CDC42EP4: variants seen among roughly 807,000 people sequenced by gnomAD.
CDC42EP4 encodes CDC42 effector protein (Rho GTPase binding) 4.
CDC42EP4 carries 6 observed loss-of-function variants against 5.6 expected under a neutral mutation model. That is an observed-to-expected ratio of 1.07 (90% CI 0.59 to 2.12). The LOEUF (loss-of-function observed/expected upper bound fraction) is 2.12, where lower values mean the gene tolerates loss of function less well. Ranked by LOEUF, CDC42EP4 falls within the 30% of genes most tolerant of loss-of-function variation. The pLI, the probability that CDC42EP4 is intolerant of heterozygous loss-of-function variation, is 0.00. For missense variants in CDC42EP4, 490 were observed against 508.6 expected (o/e 0.96, Z 0.35); for synonymous variants, 230 against 224.2 (o/e 1.03, Z -0.23).
chr17:73,290,599 C>T (rs1476688134), intron 1 of CDC42EP4, among the ~76,000 whole-genome samples: 3 of 152,198 alleles, frequency 2.0e-5, no homozygotes, highest in African/African-American at 7.2e-5. Context: ...CCCAATGTCC[C>T]CCAGGAGGCA....
In CDC42EP4 at chr17:73,297,001, A is replaced by AAAAAAAAAAAAAAAAAC. The variant is rs547362762; in HGVS notation, c.-112-10390_-112-10389insGTTTTTTTTTTTTTTTT. ...GTCTCAAAAAAAAAAAAAAAAAAAA[A>AAAAAAAAAAAAAAAAAC]AAATACACAAGGCCAAGCGCCGTGG... On this transcript the variant is annotated intron_variant, in intron 1 of 1. Coordinates refer to ENST00000335793, the MANE Select transcript of CDC42EP4 (RefSeq NM_012121.5). Among the ~76,000 whole-genome samples the AAAAAAAAAAAAAAAAAC allele has an allele frequency of 2.9e-3, 180 of 61,740 alleles. 40 individuals are homozygous for AAAAAAAAAAAAAAAAAC. The highest frequency in any genetic ancestry group is 3.1e-3 in the Non-Finnish European group (93 of 30,024). 40.5% of individuals were successfully genotyped at this position (61,740 alleles called of 152,430 possible).
chr17:73,293,036 T>C (rs9914655), intron 1 of CDC42EP4, among the ~76,000 whole-genome samples: 77,150 of 151,784 alleles, frequency 0.51, 20,055 homozygotes, highest in East Asian at 0.59. Context: ...TTTTTAGAGA[T>C]GGGGTTTCAC....
chr17:73,285,498 C>G lies in CDC42EP4; in HGVS notation c.1003G>C (p.Val335Leu), dbSNP rs1186039493. Reference sequence around the variant, plus strand: ...AACTCCTTGTCTGGCTGTCTTGAGACAGCAGCCCGGGCCCTGTCCGGCCCC... The same window carrying G: ...AACTCCTTGTCTGGCTGTCTTGAGAGAGCAGCCCGGGCCCTGTCCGGCCCC... ...FRGPDRARAAVSRQPDKEFSF... is the reference protein window; with the variant it reads ...FRGPDRARAALSRQPDKEFSF... Residue 335 changes from valine to leucine, a missense_variant, in exon 2 of 2, where the codon GTC (valine) becomes CTC (leucine). Transcript: ENST00000335793. This position sits in a 1 kb window ranked among gnomAD's most constrained non-coding sequence, Gnocchi z 6.8. 6.2e-7 allele frequency: 1 copy of G among 1,601,554 alleles called. No homozygotes were observed. Among genetic ancestry groups the G allele is most frequent in the Admixed American group, 1.7e-5 (1 of 58,886 alleles).
chr17:73,309,656 C>T (rs2062263317), intron 1 of CDC42EP4: 1 of 152,338 alleles, frequency 6.6e-6, no homozygotes, highest in Non-Finnish European at 1.5e-5. Context: ...ATTCACAGCA[C>T]AGGCCTAGGC....
At chr17:73,294,266 C>G (rs535052081) in intron 1 of CDC42EP4, among the ~76,000 whole-genome samples, 1 of 152,220 alleles carries the variant, frequency 6.6e-6, no homozygotes, top group Admixed American at 6.5e-5. Context: ...CAGGGAGAAT[C>G]GCTTGAACCC....
chr17:73,285,273 G>A lies in CDC42EP4; in HGVS notation c.*157C>T, dbSNP rs544917275. 2.8e-4 allele frequency: 163 copies of A among 578,630 alleles called. 2 individuals are homozygous for A. Among genetic ancestry groups the A allele is most frequent in the South Asian group, 1.8e-3 (58 of 32,698 alleles). The allele number at this position is 578,630 out of a possible 1,614,324, so 35.8% of individuals were successfully genotyped here. On this transcript the variant is annotated 3_prime_UTR_variant, in exon 2 of 2. Coordinates refer to ENST00000335793, the MANE Select transcript of CDC42EP4 (RefSeq NM_012121.5). This position sits in a 1 kb window ranked among gnomAD's most constrained non-coding sequence, Gnocchi z 6.8. ...AGCCCCCTACGTCCTCCGAAGACCCGAGGGCCAGGCCAGTGTCCCTCATCT... is the reference window on the plus strand; with the variant it reads ...AGCCCCCTACGTCCTCCGAAGACCCAAGGGCCAGGCCAGTGTCCCTCATCT...
At chr17:73,289,810 GAGAGAA>G (rs1033204792) in intron 1 of CDC42EP4, among the ~76,000 whole-genome samples, 32 of 136,814 alleles carry the variant, frequency 2.3e-4, no homozygotes, top group Admixed American at 1.2e-3. Flanking sequence ...AAAAAAGAAA[GAGAGAA>G]AGAAAAAGAA....
At chr17:73,297,193 C>T (rs2062192329) in intron 1 of CDC42EP4, among the ~76,000 whole-genome samples, 1 of 150,308 alleles carries the variant, frequency 6.7e-6, no homozygotes, top group African/African-American at 2.4e-5. Context: ...ACTTGGGAGG[C>T]GGAGGCAGGA....
At chr17:73,290,553 C>G (rs2062156468) in intron 1 of CDC42EP4, among the ~76,000 whole-genome samples, 1 of 152,214 alleles carries the variant, frequency 6.6e-6, no homozygotes, top group Non-Finnish European at 1.5e-5. Context: ...GCATCCACCC[C>G]CCAGTCACAA....
chr17:73,293,692 G>T (rs1300050614), intron 1 of CDC42EP4, among the ~76,000 whole-genome samples: 2 of 152,186 alleles, frequency 1.3e-5, no homozygotes, highest in Non-Finnish European at 1.5e-5. Flanking sequence ...AGAGGTGAGG[G>T]ACTCTGGCTT....
rs1459381457 is a variant in CDC42EP4, at chr17:73,285,137, G to A, written c.*293C>T. On this transcript the variant is annotated 3_prime_UTR_variant, in exon 2 of 2. Coordinates refer to ENST00000335793, the MANE Select transcript of CDC42EP4 (RefSeq NM_012121.5). The surrounding 1 kb of genome is among the most constrained non-coding windows in gnomAD (Gnocchi z 6.8). ...CCATTTGAGGCCAGGGTGGAGGAAA[G>A]GGAGGCCAACAGAGGAAAACCTATT... The A allele has an allele frequency of 4.0e-6, 1 of 249,570 alleles. No homozygotes were observed. Among genetic ancestry groups the A allele is most frequent in the Non-Finnish European group, 7.7e-6 (1 of 130,202 alleles). The allele number at this position is 249,570 out of a possible 1,614,324, so 15.5% of individuals were successfully genotyped here.
chr17:73,303,496 T>C (rs572373841), intron 1 of CDC42EP4, among the ~76,000 whole-genome samples: 10 of 152,062 alleles, frequency 6.6e-5, no homozygotes, highest in African/African-American at 2.2e-4. Flanking sequence ...ACCCTGTCTC[T>C]ACTAAAAATA....
rs556471757 is a variant in CDC42EP4, at chr17:73,285,652, A to C, written c.849T>G (p.Asp283Glu). The C allele has an allele frequency of 6.3e-7, 1 of 1,592,410 alleles. No individual in the cohort carries two copies. The highest frequency in any genetic ancestry group is 1.3e-5 in the African/African-American group (1 of 74,718). The change falls in exon 2 of 2, where the codon GAT becomes GAG. Residue 283 changes from aspartate to glutamate, a missense_variant. Physicochemically the swap from Asp to Glu is conservative, Grantham distance 45. Transcript: ENST00000335793. This position sits in a 1 kb window ranked among gnomAD's most constrained non-coding sequence, Gnocchi z 6.8. Reference sequence around the variant, plus strand: ...TGGGGGCCGCTGCTGCCCACCCCTCATCCTCCAGAGCATGGGAGGGGAGGG... The same window carrying C: ...TGGGGGCCGCTGCTGCCCACCCCTCCTCCTCCAGAGCATGGGAGGGGAGGG... ...LPSLPSHALE[D>E]EGWAAAAPSP... is the part of the protein sequence containing the mutation.
At chr17:73,291,761 C>T (rs952548669) in intron 1 of CDC42EP4, among the ~76,000 whole-genome samples, 1 of 152,162 alleles carries the variant, frequency 6.6e-6, no homozygotes, top group African/African-American at 2.4e-5. Context: ...TCACAGCTCA[C>T]AGCCCTCCCT....
chr17:73,304,265 T>TTTC lies in CDC42EP4; in HGVS notation c.-113+7625_-113+7627dup, dbSNP rs1182301441. Among the ~76,000 whole-genome samples, 232 of 141,368 alleles carry TTTC rather than the reference T, an allele frequency of 1.6e-3. 1 individual carries two copies. Among genetic ancestry groups the TTTC allele is most frequent in the African/African-American group, 5.8e-3 (211 of 36,510 alleles). 92.7% of individuals were successfully genotyped at this position (141,368 alleles called of 152,430 possible). ...GATTTATTTTGATTAAACTGTCTCT[T>TTTC]TTCTTCTTCTTCTTTTTTTTTTTTT... On this transcript the variant is annotated intron_variant, in intron 1 of 1. Transcript: ENST00000335793.
Position 73,307,541 on chromosome 17 carries a change from G to A in CDC42EP4, c.-113+4352C>T, listed in dbSNP as rs545079231. The stretch of plus-strand genomic sequence containing the variant: ...CGGCTCACTGCAAGCTCCGCCTCCC[G>A]GGTTCACACCATTCTCCTGCCTCAG... On this transcript the variant is annotated intron_variant, in intron 1 of 1. Transcript: ENST00000335793. 8.7e-5 allele frequency among the ~76,000 whole-genome samples: 13 copies of A among 149,876 alleles called. No individual in the cohort carries two copies. The East Asian group carries it at 2.0e-3, about 23-fold the overall frequency.
intron 1 of CDC42EP4, among the ~76,000 whole-genome samples, chr17:73,293,156 G>A (rs1397580284): frequency 6.6e-6 from 1 of 152,208 alleles, no homozygotes; most frequent in Non-Finnish European, 1.5e-5. Flanking sequence ...CCCAGGTAAG[G>A]AGTTTGGAGG....
At chr17:73,296,855 C>T (rs1185504101) in intron 1 of CDC42EP4, among the ~76,000 whole-genome samples, 1 of 150,748 alleles carries the variant, frequency 6.6e-6, no homozygotes, top group Non-Finnish European at 1.5e-5. Flanking sequence ...GTGAGGGGGG[C>T]CTGTAGTCCC....
At chr17:73,296,720 C>T (rs1236503530) in intron 1 of CDC42EP4, among the ~76,000 whole-genome samples, 4 of 152,058 alleles carry the variant, frequency 2.6e-5, no homozygotes, top group South Asian at 2.1e-4. Flanking sequence ...CGGTGGCTCA[C>T]GCCTGTAATC....
Sources: allele counts gnomAD v4.1 joint callset (sites outside exome capture counted in the v4.1 genomes callset), GRCh38; gene constraint gnomAD v4.1.1; non-coding constraint Gnocchi (gnomAD v3.1); transcripts MANE v1.5; gene names NCBI Gene and HGNC (gene_info 2026-07-23, HGNC 2026-07-21).